The following DLG2 variants were observed in gnomAD, a reference collection of about 807,000 sequenced individuals.
DLG2 encodes discs large MAGUK scaffold protein 2.
Under a neutral mutation model 132.5 loss-of-function variants are expected in DLG2, and 45 were observed. That is an observed-to-expected ratio of 0.34 (90% CI 0.27 to 0.44). The LOEUF (loss-of-function observed/expected upper bound fraction) is 0.44. Ranked by LOEUF, DLG2 falls within the 20% of genes least tolerant of loss-of-function variation. The pLI is 1.00. For missense variants in DLG2, 1,045 were observed against 1,196.9 expected, an observed-to-expected ratio of 0.87 and a Z score of 1.87; for synonymous variants, 424 against 419.6, an observed-to-expected ratio of 1.01 and a Z score of -0.13.
At chr11:85,359,495 C>T (rs938502680) in intron 3 of DLG2, among the ~76,000 whole-genome samples, 3 of 152,176 alleles carry the variant, frequency 2.0e-5, no homozygotes, top group Non-Finnish European at 2.9e-5. Context: ...GTTCAAGAAA[C>T]ATTTAATCAC....
At chr11:85,163,699 T>C (rs901824493) in intron 4 of DLG2, among the ~76,000 whole-genome samples, 1 of 152,176 alleles carries the variant, frequency 6.6e-6, no homozygotes, top group Non-Finnish European at 1.5e-5. Context: ...ATATTTAAAT[T>C]CTATGACTAT....
chr11:84,575,204 T>C (rs1401161051), intron 6 of DLG2, among the ~76,000 whole-genome samples: 1 of 152,182 alleles, frequency 6.6e-6, no homozygotes, highest in Admixed American at 6.5e-5. Context: ...TCTGAGCTCC[T>C]AAGCAGTCCT....
At chr11:84,801,355 G>A (rs1195783105) in intron 6 of DLG2, among the ~76,000 whole-genome samples, 2 of 152,108 alleles carry the variant, frequency 1.3e-5, no homozygotes, top group Non-Finnish European at 2.9e-5. Context: ...GGATCACGAG[G>A]TCAGGAGATC....
chr11:85,412,749 A>ACT (rs1555108904), intron 3 of DLG2, among the ~76,000 whole-genome samples: 3 of 136,092 alleles, frequency 2.2e-5, no homozygotes, highest in Non-Finnish European at 4.7e-5. Flanking sequence ...ACACACACAC[A>ACT]CACACACACA....
At chr11:85,028,782 T>C (rs661775) in intron 6 of DLG2, among the ~76,000 whole-genome samples, 151,910 of 152,212 alleles carry the variant, frequency 1, 75,805 homozygotes, top group African/African-American at 1. Flanking sequence ...CACAGGGAAA[T>C]CCAGGTCACT....
chr11:84,697,795 C>A (rs959389920), intron 6 of DLG2, among the ~76,000 whole-genome samples: 5 of 151,412 alleles, frequency 3.3e-5, no homozygotes, highest in Admixed American at 6.6e-5. Context: ...CACAGTTTTT[C>A]TTTTCAAAGT....
intron 7 of DLG2, among the ~76,000 whole-genome samples, chr11:84,453,419 G>A (rs2099056919): frequency 6.6e-6 from 1 of 151,584 alleles, no homozygotes; most frequent in Non-Finnish European, 1.5e-5. Flanking sequence ...TAGAGTTTAA[G>A]CTTGGTAGAA....
intron 7 of DLG2, chr11:84,316,719 G>T (rs1347102388): frequency 1.4e-4 from 168 of 1,205,058 alleles, no homozygotes; most frequent in Non-Finnish European, 1.8e-4. Context: ...TTTACATACA[G>T]GCATACCCGT....
At chr11:84,205,209 T>G (rs2096649772) in intron 8 of DLG2, among the ~76,000 whole-genome samples, 1 of 152,200 alleles carries the variant, frequency 6.6e-6, no homozygotes, top group African/African-American at 2.4e-5. Flanking sequence ...TTAACTGTAT[T>G]CATACCTAAC....
chr11:84,296,697 C>T (rs530809706), intron 7 of DLG2, among the ~76,000 whole-genome samples: 1 of 152,264 alleles, frequency 6.6e-6, no homozygotes, highest in East Asian at 1.9e-4. Flanking sequence ...ACCTTACCCT[C>T]CTGAGTCACT....
At chr11:83,953,028 T>C (rs192593718) in intron 14 of DLG2, among the ~76,000 whole-genome samples, 12 of 152,302 alleles carry the variant, frequency 7.9e-5, no homozygotes, top group Non-Finnish European at 1.6e-4. Flanking sequence ...ATTTTCAAGA[T>C]GTGTTTTTAC....
Position 83,891,435 on chromosome 11 carries a change from T to C in DLG2, c.1497-16947A>G, listed in dbSNP as rs143216154. ...ACAGGGAGTACTGCTCTTTGGAGTT[T>C]GGAATATATTCTGTAGGCAAAGAAG... On this transcript the variant is annotated intron_variant, in intron 15 of 27. Transcript: ENST00000376104. 1.7e-3 allele frequency among the ~76,000 whole-genome samples: 259 copies of C among 152,346 alleles called. 2 individuals are homozygous for C. Among genetic ancestry groups the C allele is most frequent in the African/African-American group, 5.8e-3 (243 of 41,586 alleles).
chr11:83,965,897 C>G (rs894103981), intron 12 of DLG2, among the ~76,000 whole-genome samples: 1 of 151,988 alleles, frequency 6.6e-6, no homozygotes, highest in African/African-American at 2.4e-5. Flanking sequence ...GTTTTGGAAC[C>G]TGCTTTTTAA....
At chr11:83,580,890 C>T (rs540835161) in intron 19 of DLG2, among the ~76,000 whole-genome samples, 1 of 111,646 alleles carries the variant, frequency 9.0e-6, no homozygotes, top group East Asian at 2.7e-4. Context: ...CCTCCTCTCC[C>T]CTCCCTTCCC....
intron 21 of DLG2, among the ~76,000 whole-genome samples, chr11:83,497,695 A>G (rs2094223184): frequency 6.6e-6 from 1 of 152,098 alleles, no homozygotes; most frequent in Non-Finnish European, 1.5e-5. Flanking sequence ...TTTTATTACT[A>G]GTAATAAAAA....
intron 4 of DLG2, among the ~76,000 whole-genome samples, chr11:85,202,181 AAAATAT>A (rs2081522467): frequency 6.6e-6 from 1 of 151,992 alleles, no homozygotes; most frequent in Non-Finnish European, 1.5e-5. Flanking sequence ...AACCTGGAAA[AAAATAT>A]AAATATTCAG....
intron 18 of DLG2, among the ~76,000 whole-genome samples, chr11:83,784,053 T>C (rs577584391): frequency 2.0e-5 from 3 of 152,330 alleles, no homozygotes; most frequent in South Asian, 4.1e-4. Context: ...AGGAAATTTT[T>C]GATAAAGCAT....
intron 21 of DLG2, among the ~76,000 whole-genome samples, chr11:83,486,607 G>A (rs1452935896): frequency 6.6e-6 from 1 of 152,116 alleles, no homozygotes; most frequent in Non-Finnish European, 1.5e-5. Context: ...AAAATGTTGT[G>A]TATCATGAAT....
intron 3 of DLG2, among the ~76,000 whole-genome samples, chr11:85,545,720 G>A (rs184588123): frequency 1.3e-5 from 2 of 152,092 alleles, no homozygotes; most frequent in African/African-American, 4.8e-5. Context: ...GTCTTGGGAG[G>A]GTGTATGTGT....
Sources: allele counts gnomAD v4.1 joint callset (sites outside exome capture counted in the v4.1 genomes callset), GRCh38; gene constraint gnomAD v4.1.1; transcripts MANE v1.5; gene names NCBI Gene and HGNC (gene_info 2026-07-23, HGNC 2026-07-21).